Variants in ACSBG1 observed in about 807,000 individuals in gnomAD.
ACSBG1 encodes the protein acyl-CoA synthetase bubblegum family member 1, also known as long-chain-fatty-acid--CoA ligase ACSBG1.
A neutral mutation model predicts 80.2 loss-of-function variants in ACSBG1; 39 were observed. The ratio of observed to expected loss-of-function variants is 0.49; its 90% confidence interval spans 0.38 to 0.64. The LOEUF (loss-of-function observed/expected upper bound fraction) is 0.64. Ranked by LOEUF, ACSBG1 falls within the 30% of genes least tolerant of loss-of-function variation. The probability of loss-of-function intolerance (pLI) is 0.00; values close to 1 mark genes in which losing one functional copy is unlikely to be tolerated. For missense variants in ACSBG1, 828 were observed against 966.4 expected, an observed-to-expected ratio of 0.86 and a Z score of 1.90; for synonymous variants, 392 against 379.5, an observed-to-expected ratio of 1.03 and a Z score of -0.38.
Position 78,208,006 on chromosome 15 carries a change from A to G in ACSBG1, c.228T>C (p.Ala76=), listed in dbSNP as rs1463106871. 3.4e-6 allele frequency: 4 copies of G among 1,173,204 alleles called. No individual in the cohort carries two copies. In the Admixed American group the frequency reaches 5.8e-5, roughly 17 times the overall value. The allele number at this position is 1,173,204 out of a possible 1,614,324, so 72.7% of individuals were successfully genotyped here. A position where few individuals can be genotyped will look rare whatever the true frequency, so the allele number is the denominator to read the frequency against. ...PEKVNNAQWD[A]PEEALWTTRA... The stretch of plus-strand genomic sequence containing the variant: ...TACCACCCCCAGCTGGCTTACCTGG[A>G]GCATCCCACTGGGCATTATTCACCT... The change falls in exon 2 of 14, where the codon GCT becomes GCC. Residue 76 remains alanine (A), a synonymous_variant. Coordinates refer to ENST00000258873, the MANE Select transcript of ACSBG1 (RefSeq NM_015162.5).
At chr15:78,193,173 C>T (rs1206014907) in intron 5 of ACSBG1, among the ~76,000 whole-genome samples, 5 of 152,302 alleles carry the variant, frequency 3.3e-5, no homozygotes, top group African/African-American at 1.2e-4. Flanking sequence ...ATAACCCTTC[C>T]ACTGCCAGAG....
intron 1 of ACSBG1, among the ~76,000 whole-genome samples, chr15:78,233,938 T>C (rs1278427862): frequency 6.6e-6 from 1 of 152,194 alleles, no homozygotes; most frequent in Non-Finnish European, 1.5e-5. Flanking sequence ...ACAGGGAAGC[T>C]ACAGCCCACG....
chr15:78,194,457 G>GAGGC, intron 3 of ACSBG1, 49 bp downstream of exon 3: 1 of 1,572,842 alleles, frequency 6.4e-7, no homozygotes, highest in African/African-American at 1.3e-5. Flanking sequence ...CCAGAGCTGG[G>GAGGC]AGGCACATCT....
chr15:78,203,715 G>T (rs780398684), intron 2 of ACSBG1, among the ~76,000 whole-genome samples: 7 of 152,242 alleles, frequency 4.6e-5, no homozygotes, highest in Non-Finnish European at 7.3e-5. Context: ...AGCAGAGAGC[G>T]GGAGGCTGGG....
At chr15:78,176,890 T>C (rs2074887839) in intron 11 of ACSBG1, among the ~76,000 whole-genome samples, 2 of 152,128 alleles carry the variant, frequency 1.3e-5, no homozygotes, top group African/African-American at 2.4e-5. Context: ...ATCACGCCAG[T>C]GCACTCCAGC....
intron 2 of ACSBG1, among the ~76,000 whole-genome samples, chr15:78,198,099 C>T (rs940170056): frequency 6.6e-6 from 1 of 152,208 alleles, no homozygotes; most frequent in African/African-American, 2.4e-5. Flanking sequence ...TGCAGTGGTG[C>T]GATCTGGGCT....
rs373840076 is a variant in ACSBG1, at chr15:78,178,748, C to T, written c.1568G>A (p.Arg523His). ...GTTCAGGTAGCCCATGAATATGGTG[C>T]GGCCCCACAGGCAGATCTCGCCAAT... is the stretch of plus-strand genomic sequence containing the variant. ...EGIGEICLWG[R>H]TIFMGYLNME... Residue 523 changes from arginine to histidine, a missense_variant, in exon 11 of 14, where the codon CGC becomes CAC. By Grantham distance (29) the Arg-to-His change is conservative. Coordinates refer to ENST00000258873, the MANE Select transcript of ACSBG1 (RefSeq NM_015162.5). The surrounding 1 kb of genome is among the most constrained non-coding windows in gnomAD (Gnocchi z 4.3). 7.4e-6 allele frequency: 12 copies of T among 1,613,954 alleles called. No homozygotes were observed. Among genetic ancestry groups the T allele is most frequent in the Non-Finnish European group, 1.0e-5 (12 of 1,180,032 alleles).
At chr15:78,228,732 T>C (rs1392719887) in intron 1 of ACSBG1, among the ~76,000 whole-genome samples, 1 of 152,240 alleles carries the variant, frequency 6.6e-6, no homozygotes, top group Non-Finnish European at 1.5e-5. Context: ...CTGTGGCTTT[T>C]ACATGATAGT....
intron 2 of ACSBG1, among the ~76,000 whole-genome samples, chr15:78,205,861 C>A (rs971773030): frequency 6.6e-6 from 1 of 152,138 alleles, no homozygotes; most frequent in Admixed American, 6.5e-5. Context: ...TCTGTGCCAG[C>A]CCCAATCCCC....
intron 9 of ACSBG1, 105 bp downstream of exon 9, chr15:78,180,650 G>T: frequency 1.4e-6 from 2 of 1,441,240 alleles, no homozygotes. Flanking sequence ...GAGCTGCCCG[G>T]CCACTGGAAC....
chr15:78,188,929 A>ATCCAGAT (rs2075031690), intron 5 of ACSBG1, among the ~76,000 whole-genome samples: 2 of 148,670 alleles, frequency 1.3e-5, no homozygotes, highest in South Asian at 4.3e-4. Flanking sequence ...CATCTGACAA[A>ATCCAGAT]GGGCTAATAT....
intron 1 of ACSBG1, among the ~76,000 whole-genome samples, chr15:78,223,047 TCTAA>T (rs1955824677): frequency 6.6e-6 from 1 of 152,156 alleles, no homozygotes; most frequent in African/African-American, 2.4e-5. Context: ...AGGACTGCCT[TCTAA>T]CTAACACAAC....
intron 2 of ACSBG1, among the ~76,000 whole-genome samples, chr15:78,206,379 C>T (rs1447919451): frequency 6.6e-6 from 1 of 152,214 alleles, no homozygotes; most frequent in Non-Finnish European, 1.5e-5. Flanking sequence ...CTTCCTCAGC[C>T]TGTCCCTGCC....
intron 1 of ACSBG1, among the ~76,000 whole-genome samples, chr15:78,226,008 T>C (rs2075397487): frequency 6.6e-6 from 1 of 152,166 alleles, no homozygotes; most frequent in African/African-American, 2.4e-5. Flanking sequence ...TAGCTAGAGG[T>C]GTCCCTCAGG....
At position 78,229,132 on chromosome 15, in the gene ACSBG1, T is replaced by C. The variant is rs1327727538; in HGVS notation, c.131+5239A>G. On this transcript the variant is annotated intron_variant, in intron 1 of 13. Coordinates refer to ENST00000258873, the MANE Select transcript of ACSBG1 (RefSeq NM_015162.5). ...CACAATTACAGTTTAATTGTATAAT[T>C]ATTTGTTAATGTCTGTCTCCCCTGC... Among the ~76,000 whole-genome samples, 9 of 152,184 alleles carry C rather than the reference T, an allele frequency of 5.9e-5. 1 individual carries two copies. Among genetic ancestry groups the C allele is most frequent in the Non-Finnish European group, 4.4e-5 (3 of 68,032 alleles).
chr15:78,195,270 A>G (rs1006749328), intron 2 of ACSBG1, among the ~76,000 whole-genome samples: 3 of 152,128 alleles, frequency 2.0e-5, no homozygotes, highest in Admixed American at 6.5e-5. Flanking sequence ...TCCTCCTACA[A>G]ATGAGGTGTC....
At chr15:78,234,323 G>T in intron 1 of ACSBG1, 48 bp downstream of exon 1, 1 of 1,595,904 alleles carries the variant, frequency 6.3e-7, no homozygotes, top group South Asian at 1.1e-5. Context: ...GCAAAGTCTA[G>T]AACTCGGCCC....
At position 78,193,403 on chromosome 15, in the gene ACSBG1, A is replaced by G. The variant is rs545978230; in HGVS notation, c.663+103T>C. 69 of 1,491,938 alleles carry G rather than the reference A, an allele frequency of 4.6e-5. 1 individual carries two copies. The South Asian group carries it at 8.3e-4, about 18-fold the overall frequency. 92.4% of individuals were successfully genotyped at this position (1,491,938 alleles called of 1,614,324 possible). On this transcript the variant is annotated intron_variant, in intron 5 of 13. Transcript: ENST00000258873. ...CATTAGAGGGTTGCCGTTGAGGATG[A>G]GGACACTCTGGATGGAGGGCGGGAA...
At chr15:78,217,391 TG>T (rs2075321109) in intron 1 of ACSBG1, among the ~76,000 whole-genome samples, 1 of 152,094 alleles carries the variant, frequency 6.6e-6, no homozygotes, top group African/African-American at 2.4e-5. Context: ...CTTGGGCAAG[TG>T]GGTTCCAGAG....
Sources: gnomAD v4.1 joint callset for allele counts (sites outside exome capture counted in the v4.1 genomes callset) on GRCh38, gnomAD v4.1.1 for gene constraint, Gnocchi (gnomAD v3.1) non-coding constraint, MANE v1.5 for transcripts, NCBI Gene and HGNC (gene_info 2026-07-23, HGNC 2026-07-21) for gene names.